Variants in CES4A observed in about 807,000 individuals in gnomAD.
The protein encoded by CES4A is carboxylesterase 4A.
A neutral mutation model predicts 65.4 loss-of-function variants in CES4A; 48 were observed. That is an observed-to-expected ratio of 0.73 (90% CI 0.58 to 0.93). The LOEUF is 0.93. Ranked by LOEUF, CES4A falls within the 40% of genes least tolerant of loss-of-function variation. The pLI is 0.00. For missense variants in CES4A, 685 were observed against 728.5 expected (o/e 0.94, Z 0.69); for synonymous variants, 247 against 281.8 (o/e 0.88, Z 1.24).
intron 13 of CES4A, 188 bp downstream of exon 13, chr16:67,007,005 C>G (rs1422862095): frequency 3.4e-6 from 2 of 587,304 alleles, no homozygotes; most frequent in Admixed American, 3.1e-5. Flanking sequence ...AGAATGTGTC[C>G]TTCTTGATCC....
At chr16:67,004,603 C>G (rs1044862184) in intron 9 of CES4A, among the ~76,000 whole-genome samples, 190 bp from the exon 10 acceptor site, 2 of 152,160 alleles carry the variant, frequency 1.3e-5, no homozygotes, top group African/African-American at 4.8e-5. Flanking sequence ...TCAGCTCTGG[C>G]CCAGGTGGTA....
chr16:67,006,692 G>A, intron 12 of CES4A, 53 bp from the exon 13 acceptor site: 3 of 1,567,704 alleles, frequency 1.9e-6, no homozygotes, highest in Non-Finnish European at 1.8e-6. Flanking sequence ...AGTAGGGTGG[G>A]AGGTCAGTGT....
At chr16:66,989,623 C>A (rs759682998) in intron 1 of CES4A, among the ~76,000 whole-genome samples, 17 of 151,904 alleles carry the variant, frequency 1.1e-4, no homozygotes, top group African/African-American at 4.1e-4. Flanking sequence ...TTTGGGAGGC[C>A]GAAGCGGGCA....
Position 67,004,807 on chromosome 16 carries a change from G to A in CES4A, c.1095G>A (p.Pro365=), listed in dbSNP as rs773115768. 4.2e-5 allele frequency: 65 copies of A among 1,535,924 alleles called. No individual in the cohort carries two copies. In the Admixed American group the frequency reaches 7.1e-4, roughly 17 times the overall value. ...CTTGTGAACAGATCATGAAGTTCCC[G>A]CTAAACCGGCAGGCGATGAGAAAGG... The change falls in exon 10 of 14, where the codon CCG becomes CCA. Residue 365 remains proline (P), a synonymous_variant. Coordinates refer to ENST00000648724, the Ensembl canonical transcript of CES4A.
Position 67,001,363 on chromosome 16 carries a change from C to T in CES4A, c.592C>T (p.Leu198=). The change falls in exon 5 of 14, where the codon CTG becomes TTG. Residue 198 remains leucine, a synonymous_variant. Transcript: ENST00000648724. This position sits in a 1 kb window ranked among gnomAD's most constrained non-coding sequence, Gnocchi z 4.1. ...GGGGCTGCTGGACCAGATGGCGGCTCTGCGCTGGGTGCAGGAGAACATCGC... is the reference window on the plus strand; with the variant it reads ...GGGGCTGCTGGACCAGATGGCGGCTTTGCGCTGGGTGCAGGAGAACATCGC... 6.2e-7 allele frequency: 1 copy of T among 1,613,634 alleles called. No homozygotes were observed. The highest frequency in any genetic ancestry group is 8.5e-7 in the Non-Finnish European group (1 of 1,179,892).
intron 2 of CES4A, among the ~76,000 whole-genome samples, chr16:66,999,778 G>A (rs996307119): frequency 6.6e-6 from 1 of 152,196 alleles, no homozygotes; most frequent in African/African-American, 2.4e-5. Flanking sequence ...TCCAGCCTGG[G>A]CAACAGAGCA....
intron 10 of CES4A, 70 bp from the exon 11 acceptor site, chr16:67,005,170 A>C (rs1211876119): frequency 6.6e-7 from 1 of 1,510,712 alleles, no homozygotes; most frequent in Non-Finnish European, 9.2e-7. Flanking sequence ...CATGGATCCA[A>C]GTCACTGGTG....
intron 2 of CES4A, 36 bp downstream of exon 2, chr16:66,995,865 A>G (rs769432095): frequency 8.3e-6 from 13 of 1,574,748 alleles, no homozygotes; most frequent in Non-Finnish European, 7.0e-6. Flanking sequence ...GGAGGGGGCA[A>G]TGGGCCTATG....
At chr16:67,007,170 A>G (rs928720126) in intron 13 of CES4A, 1 of 250,904 alleles carries the variant, frequency 4.0e-6, no homozygotes, top group Non-Finnish European at 7.7e-6. Flanking sequence ...GGAAATTACA[A>G]TCTGGTACGC....
At chr16:67,010,122 A>AT (rs911757804), downstream of CES4A, among the ~76,000 whole-genome samples, 1 of 148,826 alleles carries the variant, frequency 6.7e-6, no homozygotes, top group African/African-American at 2.5e-5. Context: ...CTGGAGTGCA[A>AT]TGATGAAATC....
intron 2 of CES4A, chr16:66,996,172 G>A: frequency 4.7e-6 from 2 of 422,864 alleles, no homozygotes; most frequent in South Asian, 3.8e-5. Context: ...GAGTATCTGG[G>A]GCTACAGGTA....
exon 13 of CES4A, chr16:67,006,763 A>T (rs774927255): frequency 2.7e-5 from 44 of 1,614,020 alleles, no homozygotes; most frequent in African/African-American, 4.0e-5. Flanking sequence ...ATGGGTAAGG[A>T]GAAGGCACTT....
rs11860308 is a variant in CES4A at position 67,001,616 on chromosome 16, T to C, written c.690+155T>C. 0.25 allele frequency among the ~76,000 whole-genome samples: 38,657 copies of C among 152,188 alleles called. 9,646 individuals carry two copies. Among genetic ancestry groups the C allele is most frequent in the African/African-American group, 0.65 (27,039 of 41,500 alleles). On this transcript the variant is annotated intron_variant, in intron 5 of 13. Transcript: ENST00000648724. The surrounding 1 kb of genome is among the most constrained non-coding windows in gnomAD (Gnocchi z 4.1). ...CCCCTGCCAAGGGTACAGCCCCTCA[T>C]AGCCAAGGATGTCTCCTCTGTTGAG...
chr16:67,006,311 G>C, intron 11 of CES4A, 80 bp from the exon 12 acceptor site: 2 of 1,476,070 alleles, frequency 1.4e-6, no homozygotes, highest in South Asian at 2.5e-5. Flanking sequence ...GCTTGGTGCA[G>C]GTGAGTGGGA....
chr16:67,001,422 G>A lies in CES4A; in HGVS notation c.651G>A (p.Leu217=), dbSNP rs1246761947. The change falls in exon 5 of 14, where the codon CTG becomes CTA. Residue 217 remains leucine (L), a synonymous_variant. Transcript: ENST00000648724. The surrounding 1 kb of genome is among the most constrained non-coding windows in gnomAD (Gnocchi z 4.1). ...GGGGAGACCCAGGAAATGTGACCCT[G>A]TTCGGCCAGTCGGCGGGGGCCATGA... 1.2e-6 allele frequency: 2 copies of A among 1,613,204 alleles called. No homozygotes were observed. Among genetic ancestry groups the A allele is most frequent in the Non-Finnish European group, 1.7e-6 (2 of 1,179,598 alleles).
exon 14 of CES4A, chr16:67,009,355 T>C (rs1429934344): frequency 3.9e-6 from 2 of 512,976 alleles, no homozygotes; most frequent in Non-Finnish European, 6.8e-6. Flanking sequence ...ATGATGCCCC[T>C]CTACTTCACT....
Position 66,994,707 on chromosome 16 carries a change from T to C in CES4A, c.59-921T>C, listed in dbSNP as rs571350347. Among the ~76,000 whole-genome samples, 27 of 150,712 alleles carry C rather than the reference T, an allele frequency of 1.8e-4. No homozygotes were observed. In the East Asian group the frequency reaches 5.1e-3, roughly 28 times the overall value. ...ATACAAAATTAGCCAGGCATGGTGG[T>C]GCATGCCTATAATTCCAGCTACTCG... On this transcript the variant is annotated intron_variant, in intron 1 of 13. Transcript: ENST00000648724.
At chr16:66,990,527 T>A (rs1477422487) in intron 1 of CES4A, among the ~76,000 whole-genome samples, 2 of 152,034 alleles carry the variant, frequency 1.3e-5, no homozygotes, top group African/African-American at 4.8e-5. Context: ...CTAGAGCCCA[T>A]CTGAACAAAA....
chr16:66,996,615 TCCAC>T (rs1318224315), intron 2 of CES4A, among the ~76,000 whole-genome samples: 2 of 152,188 alleles, frequency 1.3e-5, no homozygotes, highest in African/African-American at 4.8e-5. Flanking sequence ...TATTGAGTAA[TCCAC>T]TGTCCAGAAC....
Sources: gnomAD v4.1 joint callset for allele counts (sites outside exome capture counted in the v4.1 genomes callset) on GRCh38, gnomAD v4.1.1 for gene constraint, Gnocchi (gnomAD v3.1) non-coding constraint, MANE v1.5 for transcripts, NCBI Gene and HGNC (gene_info 2026-07-23, HGNC 2026-07-21) for gene names.